The following HIVEP2 variants were observed in gnomAD, a reference collection of about 807,000 sequenced individuals.
HIVEP2 encodes transcription factor HIVEP2.
HIVEP2 carries 14 observed loss-of-function variants against 180.7 expected under a neutral mutation model. The observed-to-expected ratio is 0.08, with a 90% CI of 0.05 to 0.12. HIVEP2 has a LOEUF of 0.12. HIVEP2 is among the 10% of genes least tolerant of loss of function. HIVEP2 has a pLI of 1.00. For synonymous variants in HIVEP2, 1,184 were observed against 1,136.4 expected, an observed-to-expected ratio of 1.04 and a Z score of -0.84; for missense variants, 2,579 against 3,008.5, an observed-to-expected ratio of 0.86 and a Z score of 3.34.
At chr6:142,928,422 C>A (rs1309786943) in intron 1 of HIVEP2, among the ~76,000 whole-genome samples, 1 of 152,112 alleles carries the variant, frequency 6.6e-6, no homozygotes, top group Non-Finnish European at 1.5e-5. Flanking sequence ...TCTTGATAAA[C>A]AAGTTTCATG....
intron 1 of HIVEP2, among the ~76,000 whole-genome samples, chr6:142,941,354 C>T (rs956844656): frequency 7.2e-5 from 11 of 152,240 alleles, no homozygotes; most frequent in Non-Finnish European, 1.5e-4. Context: ...GCTACAAATA[C>T]TGGCTTACTC....
chr6:142,858,297 C>T (rs1014972778), intron 1 of HIVEP2, among the ~76,000 whole-genome samples: 43 of 152,196 alleles, frequency 2.8e-4, no homozygotes, highest in African/African-American at 9.6e-4. Context: ...TCACTTCACT[C>T]TGGCCCCTCT....
At chr6:142,885,161 C>A (rs944861817) in intron 1 of HIVEP2, among the ~76,000 whole-genome samples, 4 of 152,034 alleles carry the variant, frequency 2.6e-5, no homozygotes, top group African/African-American at 9.7e-5. Context: ...TCCAGTCAAC[C>A]CCATGGAGTT....
In HIVEP2 at chr6:142,818,792, A is replaced by AG. The variant is rs1243712423; in HGVS notation, c.-528+18142_-528+18143insC. Among the ~76,000 whole-genome samples, 457 of 135,570 alleles carry AG rather than the reference A, an allele frequency of 3.4e-3. 6 individuals carry two copies. Among genetic ancestry groups the AG allele is most frequent in the Middle Eastern group, 0.012 (3 of 258 alleles). 88.9% of individuals were successfully genotyped at this position (135,570 alleles called of 152,430 possible). A position where few individuals can be genotyped will look rare whatever the true frequency, so the allele number is the denominator to read the frequency against. ...AAGAAAGAAAGAAAGAAAGAAAGAA[A>AG]AAGAAAAGAAAAAGAAAAGAAAAAA... is the stretch of plus-strand genomic sequence containing the variant. On this transcript the variant is annotated intron_variant, in intron 2 of 9. Coordinates refer to ENST00000367603, the MANE Select transcript of HIVEP2 (RefSeq NM_006734.4).
intron 2 of HIVEP2, among the ~76,000 whole-genome samples, chr6:142,816,386 T>A (rs1430695273): frequency 6.6e-6 from 1 of 152,210 alleles, no homozygotes; most frequent in Non-Finnish European, 1.5e-5. Flanking sequence ...TTATATTTCC[T>A]TAATTCATCT....
At position 142,773,833 on chromosome 6, in the gene HIVEP2, T is replaced by G. The variant is rs1253235159; in HGVS notation, c.906A>C (p.Pro302=). 1.2e-6 allele frequency: 2 copies of G among 1,613,588 alleles called. No homozygotes were observed. The highest frequency in any genetic ancestry group is 2.2e-5 in the East Asian group (1 of 44,876). ...AGCCGCCTCTGCTGGCAATGTCCAG[T>G]GGGATGGGTGGACCAGGACTCATTT... ...SDKMSPGPPI[P]LDIASRGGYH... is the part of the protein sequence containing the mutation. Residue 302 remains proline, a synonymous_variant, in exon 5 of 10, where the codon CCA becomes CCC. Transcript: ENST00000367603.
intron 3 of HIVEP2, among the ~76,000 whole-genome samples, chr6:142,780,099 C>T (rs1387265054): frequency 6.6e-6 from 1 of 152,130 alleles, no homozygotes; most frequent in Admixed American, 6.5e-5. Flanking sequence ...CATTTATTAT[C>T]CAGAAAGTTT....
intron 1 of HIVEP2, among the ~76,000 whole-genome samples, chr6:142,916,665 T>C (rs1187125509): frequency 6.6e-6 from 1 of 152,150 alleles, no homozygotes; most frequent in African/African-American, 2.4e-5. Flanking sequence ...AAAAGCATAA[T>C]TTATAATTAT....
In HIVEP2 at chr6:142,771,693, A is replaced by G. The variant is rs201639754; in HGVS notation, c.3046T>C (p.Leu1016=). 1.1e-5 allele frequency: 18 copies of G among 1,614,184 alleles called. No homozygotes were observed. The highest frequency in any genetic ancestry group is 1.4e-5 in the Non-Finnish European group (17 of 1,180,020). The part of the protein sequence containing the change: ...FLTVPAGSYS[L]SVPGHHHQKE... Reference sequence around the variant, plus strand: ...TGGTGGTGATGGCCTGGGACAGACAATGAGTATGAACCAGCAGGGACAGTC... The same window carrying G: ...TGGTGGTGATGGCCTGGGACAGACAGTGAGTATGAACCAGCAGGGACAGTC... The change falls in exon 5 of 10, where the codon TTG becomes CTG. Residue 1016 remains leucine, a synonymous_variant. Coordinates refer to ENST00000367603, the MANE Select transcript of HIVEP2 (RefSeq NM_006734.4). The surrounding 1 kb of genome is among the most constrained non-coding windows in gnomAD (Gnocchi z 5.4).
intron 1 of HIVEP2, among the ~76,000 whole-genome samples, chr6:142,885,359 C>T (rs1395055709): frequency 6.6e-6 from 1 of 152,058 alleles, no homozygotes. Flanking sequence ...GTCCCTCCCC[C>T]ATCATCGCTG....
At chr6:142,903,643 T>A (rs1397292025) in intron 1 of HIVEP2, among the ~76,000 whole-genome samples, 3 of 152,072 alleles carry the variant, frequency 2.0e-5, no homozygotes, top group African/African-American at 7.2e-5. Context: ...AGAAAAAAAA[T>A]GACTCCGGTG....
intron 1 of HIVEP2, among the ~76,000 whole-genome samples, chr6:142,901,017 T>A (rs1282862447): frequency 6.6e-6 from 1 of 152,200 alleles, no homozygotes; most frequent in Non-Finnish European, 1.5e-5. Flanking sequence ...TAATATTAAC[T>A]CCACTTTTAT....
chr6:142,900,391 C>T (rs1478452976), intron 1 of HIVEP2, among the ~76,000 whole-genome samples: 8 of 152,174 alleles, frequency 5.3e-5, no homozygotes, highest in Admixed American at 2.6e-4. Context: ...AATCACTCCA[C>T]GCCACCTCAC....
At chr6:142,812,228 T>A (rs1205093468) in intron 2 of HIVEP2, among the ~76,000 whole-genome samples, 6 of 152,120 alleles carry the variant, frequency 3.9e-5, no homozygotes, top group African/African-American at 1.4e-4. Flanking sequence ...TACTGATTGA[T>A]CAGCACGTGA....
chr6:142,930,504 C>G (rs182045067), intron 1 of HIVEP2, among the ~76,000 whole-genome samples: 74 of 151,168 alleles, frequency 4.9e-4, no homozygotes, highest in South Asian at 3.9e-3. Flanking sequence ...GCTAACTAAA[C>G]AAAGTACAGC....
chr6:142,814,006 G>A (rs1292095500), intron 2 of HIVEP2, among the ~76,000 whole-genome samples: 1 of 151,862 alleles, frequency 6.6e-6, no homozygotes, highest in African/African-American at 2.4e-5. Context: ...TCTAGAGCTA[G>A]ACAGGTGAAA....
In HIVEP2 at chr6:142,945,032, C is replaced by T. The variant is rs1185444291; in HGVS notation, c.-641+67G>A. On this transcript the variant is annotated intron_variant, in intron 1 of 9. Transcript: ENST00000367603. This position sits in a 1 kb window ranked among gnomAD's most constrained non-coding sequence, Gnocchi z 5.5. Reference sequence around the variant, plus strand: ...CGCTCGCTCGGCCGCAGGCCGGCGGCCCGGGCCTCGCGCCGCCAGCCCGCC... The same window carrying T: ...CGCTCGCTCGGCCGCAGGCCGGCGGTCCGGGCCTCGCGCCGCCAGCCCGCC... 1 of 146,944 alleles carries T rather than the reference C, an allele frequency of 6.8e-6. No homozygotes were observed. The highest frequency in any genetic ancestry group is 1.5e-5 in the Non-Finnish European group (1 of 66,130). 9.1% of individuals were successfully genotyped at this position (146,944 alleles called of 1,614,324 possible).
At chr6:142,937,825 T>TA (rs1168527621) in intron 1 of HIVEP2, among the ~76,000 whole-genome samples, 2 of 152,284 alleles carry the variant, frequency 1.3e-5, no homozygotes, top group East Asian at 3.9e-4. Flanking sequence ...CACATCAAGA[T>TA]AAAAAACTAA....
intron 6 of HIVEP2, among the ~76,000 whole-genome samples, chr6:142,765,534 T>A (rs1012356083): frequency 9.2e-5 from 14 of 152,298 alleles, no homozygotes; most frequent in African/African-American, 3.4e-4. Context: ...CAGGGTGAGC[T>A]CAGCTCACCA....
Sources: gnomAD v4.1 joint callset for allele counts (sites outside exome capture counted in the v4.1 genomes callset) on GRCh38, gnomAD v4.1.1 for gene constraint, Gnocchi (gnomAD v3.1) non-coding constraint, MANE v1.5 for transcripts, NCBI Gene and HGNC (gene_info 2026-07-23, HGNC 2026-07-21) for gene names.